Variants in EFCAB3 observed in about 807,000 individuals in gnomAD.
EFCAB3 encodes EF-hand calcium-binding domain-containing protein 3.
A neutral mutation model predicts 42.2 loss-of-function variants in EFCAB3; 36 were observed. That is an observed-to-expected ratio of 0.85 (90% CI 0.65 to 1.13). EFCAB3 has a LOEUF of 1.13. Among genes scored for constraint, EFCAB3 ranks in the 50% most tolerant of loss-of-function variants. EFCAB3 has a pLI of 0.00. For synonymous variants in EFCAB3, 170 were observed against 172.8 expected (o/e 0.98, Z 0.13); for missense variants, 418 against 505.1 (o/e 0.83, Z 1.65).
At chr17:62,381,902 C>T in intron 1 of EFCAB3, 1 of 368,266 alleles carries the variant, frequency 2.7e-6, no homozygotes. Flanking sequence ...CTGCCCCAGG[C>T]TGTGCAGCTC....
rs1443122853 is a variant in EFCAB3, at chr17:62,393,625, T to A, written c.348T>A (p.Asn116Lys). 6.2e-7 allele frequency: 1 copy of A among 1,614,078 alleles called. No homozygotes were observed. The highest frequency in any genetic ancestry group is 8.5e-7 in the Non-Finnish European group (1 of 1,179,978). Reference protein sequence around the residue: ...SDFIKVLTDKNLFLKAVVPEK... With the variant: ...SDFIKVLTDKKLFLKAVVPEK... The stretch of plus-strand genomic sequence containing the variant: ...TTATCAAGGTTCTAACAGATAAGAA[T>A]CTCTTCCTCAAGGCAGTGGGTGAGT... Residue 116 changes from asparagine (N) to lysine (K), a missense_variant, in exon 5 of 10, where the codon AAT becomes AAA. Asn to Lys is a moderately conservative substitution (Grantham distance 94). Transcript: ENST00000305286.
chr17:62,373,332 G>T (rs538339946), intron 1 of EFCAB3, among the ~76,000 whole-genome samples: 2 of 151,146 alleles, frequency 1.3e-5, no homozygotes, highest in African/African-American at 4.9e-5. Context: ...ACTCATCCTT[G>T]CCAGGCACAG....
At chr17:62,406,996 T>G in intron 7 of EFCAB3, 32 bp from the exon 8 acceptor site, 1 of 1,557,222 alleles carries the variant, frequency 6.4e-7, no homozygotes, top group Non-Finnish European at 8.7e-7. Context: ...CTTACATTGT[T>G]TGTGATACCA....
intron 3 of EFCAB3, among the ~76,000 whole-genome samples, chr17:62,390,343 A>G (rs2070292810): frequency 6.6e-6 from 1 of 152,204 alleles, no homozygotes; most frequent in African/African-American, 2.4e-5. Flanking sequence ...GGGTAAGAGC[A>G]TACAGTTTAT....
chr17:62,398,082 A>G, intron 6 of EFCAB3: 1 of 326,036 alleles, frequency 3.1e-6, no homozygotes. Context: ...AGGTTGTCAA[A>G]GTGCCCAATG....
At chr17:62,390,361 G>T (rs144084424) in intron 3 of EFCAB3, among the ~76,000 whole-genome samples, 1 of 152,166 alleles carries the variant, frequency 6.6e-6, no homozygotes, top group East Asian at 1.9e-4. Context: ...TATTTGCAGC[G>T]CAGAGAGAAA....
At chr17:62,415,944 G>A (rs2144122579) in intron 9 of EFCAB3, 59 bp from the exon 10 acceptor site, 1 of 1,358,230 alleles carries the variant, frequency 7.4e-7, no homozygotes, top group East Asian at 2.3e-5. Context: ...TATCATTGTG[G>A]TCCACAAATC....
At chr17:62,383,174 AG>A (rs1369346903) in intron 2 of EFCAB3, 121 bp downstream of exon 2, 1 of 905,616 alleles carries the variant, frequency 1.1e-6, no homozygotes, top group African/African-American at 1.7e-5. Context: ...CCTAAAAAAA[AG>A]AAAATTATTG....
intron 8 of EFCAB3, among the ~76,000 whole-genome samples, chr17:62,408,435 C>A (rs2070466705): frequency 6.6e-6 from 1 of 152,158 alleles, no homozygotes; most frequent in Non-Finnish European, 1.5e-5. Flanking sequence ...CAGATTGAAA[C>A]CCTCCAATGG....
Position 62,374,640 on chromosome 17 carries a change from C to T in EFCAB3, c.88+773C>T, listed in dbSNP as rs139830595. The stretch of plus-strand genomic sequence containing the variant: ...ATGAATGGGAGATTTGAACATTATG[C>T]TGTGAAATTGATCAACAGAGGCAAG... On this transcript the variant is annotated intron_variant, in intron 2 of 11. Transcript: ENST00000450662. Among the ~76,000 whole-genome samples, 369 of 152,200 alleles carry T rather than the reference C, an allele frequency of 2.4e-3. 1 individual carries two copies. Among genetic ancestry groups the T allele is most frequent in the Non-Finnish European group, 4.5e-3 (306 of 68,016 alleles).
rs2070550512 is a variant in EFCAB3, at chr17:62,416,475, A to C, written c.*146A>C. 1.6e-6 allele frequency: 1 copy of C among 622,118 alleles called. No homozygotes were observed. The highest frequency in any genetic ancestry group is 2.6e-6 in the Non-Finnish European group (1 of 386,238). 38.5% of individuals were successfully genotyped at this position (622,118 alleles called of 1,614,324 possible). ...TCTGACCAGTAAAAAAGTTTAAGTC[A>C]TAAAATGGTTTCCCTTTCCTAAATC... On this transcript the variant is annotated 3_prime_UTR_variant, in exon 10 of 10. Transcript: ENST00000305286.
chr17:62,410,874 C>CA (rs2070489435), intron 8 of EFCAB3, among the ~76,000 whole-genome samples: 1 of 152,040 alleles, frequency 6.6e-6, no homozygotes, highest in Non-Finnish European at 1.5e-5. Flanking sequence ...GTTGCCCTCT[C>CA]AGTAAAAGGA....
intron 3 of EFCAB3, among the ~76,000 whole-genome samples, chr17:62,391,309 C>A (rs2070300847): frequency 6.6e-6 from 1 of 151,906 alleles, no homozygotes; most frequent in Admixed American, 6.5e-5. Context: ...TCTTGCAGGG[C>A]TGACATTCCA....
At chr17:62,388,190 G>A (rs1021204094) in intron 3 of EFCAB3, among the ~76,000 whole-genome samples, 5 of 151,602 alleles carry the variant, frequency 3.3e-5, no homozygotes, top group South Asian at 2.1e-4. Context: ...CAGCCTGGGC[G>A]ACAAAGCGAG....
chr17:62,400,799 G>A (rs879061724), intron 6 of EFCAB3, among the ~76,000 whole-genome samples: 2 of 152,016 alleles, frequency 1.3e-5, no homozygotes, highest in Non-Finnish European at 1.5e-5. Context: ...TTGAGGAATC[G>A]CCACACTGTC....
intron 6 of EFCAB3, chr17:62,397,291 G>T: frequency 3.5e-6 from 1 of 283,474 alleles, no homozygotes; most frequent in Admixed American, 4.4e-5. Context: ...AGGCTGAGGT[G>T]CATGGATCAC....
chr17:62,412,302 G>A (rs775205917), intron 8 of EFCAB3, among the ~76,000 whole-genome samples: 1 of 148,978 alleles, frequency 6.7e-6, no homozygotes, highest in Non-Finnish European at 1.5e-5. Context: ...CTTGAACCCG[G>A]GAGGCAAAGG....
intron 2 of EFCAB3, among the ~76,000 whole-genome samples, chr17:62,374,698 G>A (rs1042720485): frequency 2.6e-5 from 4 of 152,080 alleles, no homozygotes; most frequent in Non-Finnish European, 4.4e-5. Flanking sequence ...TCCCACACAC[G>A]TACAACCTCA....
chr17:62,398,836 A>T (rs2070376841), intron 6 of EFCAB3, among the ~76,000 whole-genome samples: 1 of 152,192 alleles, frequency 6.6e-6, no homozygotes, highest in Non-Finnish European at 1.5e-5. Context: ...AGTGGCAAAG[A>T]TAATTATTTA....
Sources: allele counts gnomAD v4.1 joint callset (sites outside exome capture counted in the v4.1 genomes callset), GRCh38; gene constraint gnomAD v4.1.1; transcripts MANE v1.5; gene names NCBI Gene and HGNC (gene_info 2026-07-23, HGNC 2026-07-21).